Variants in MGMT observed in about 807,000 individuals in gnomAD.
MGMT encodes O-6-methylguanine-DNA methyltransferase.
Under a neutral mutation model 15.9 loss-of-function variants are expected in MGMT, and 14 were observed. The observed-to-expected ratio is 0.88, with a 90% CI of 0.58 to 1.37. The LOEUF (loss-of-function observed/expected upper bound fraction) is 1.37. Ranked by LOEUF, MGMT falls within the 40% of genes most tolerant of loss-of-function variation. MGMT has a pLI of 0.00. For synonymous variants in MGMT, 130 were observed against 118.2 expected, an observed-to-expected ratio of 1.10 and a Z score of -0.65; for missense variants, 282 against 268.1, an observed-to-expected ratio of 1.05 and a Z score of -0.36.
intron 3 of MGMT, among the ~76,000 whole-genome samples, chr10:129,752,153 C>G (rs1217514791): frequency 5.3e-5 from 8 of 151,952 alleles, no homozygotes; most frequent in Admixed American, 5.2e-4. Context: ...TGAATTTTTT[C>G]ATGAGTTTTG....
At chr10:129,573,590 TC>T (rs1374507604) in intron 2 of MGMT, among the ~76,000 whole-genome samples, 2 of 152,216 alleles carry the variant, frequency 1.3e-5, no homozygotes, top group African/African-American at 4.8e-5. Context: ...TATTTTCATC[TC>T]TATTTATTTA....
At chr10:129,761,146 C>T (rs906076106) in intron 4 of MGMT, among the ~76,000 whole-genome samples, 7 of 152,248 alleles carry the variant, frequency 4.6e-5, no homozygotes, top group Admixed American at 3.3e-4. Context: ...GTTGTGGCTC[C>T]GTGTAGGGCC....
intron 2 of MGMT, among the ~76,000 whole-genome samples, chr10:129,658,146 G>A (rs1847553704): frequency 6.6e-6 from 1 of 151,964 alleles, no homozygotes; most frequent in Non-Finnish European, 1.5e-5. Flanking sequence ...CCCCTTCTAT[G>A]AATCCCAAGT....
At chr10:129,646,747 TATATATA>T (rs1564747268) in intron 2 of MGMT, among the ~76,000 whole-genome samples, 1 of 111,222 alleles carries the variant, frequency 9.0e-6, no homozygotes, top group African/African-American at 3.3e-5. Flanking sequence ...TATATATATA[TATATATA>T]TTTTCAGGGA....
intron 2 of MGMT, among the ~76,000 whole-genome samples, chr10:129,675,943 C>T (rs1156240425): frequency 6.6e-6 from 1 of 152,166 alleles, no homozygotes. Context: ...GCAGGCGCTG[C>T]TCAGTTGTGG....
intron 2 of MGMT, among the ~76,000 whole-genome samples, chr10:129,574,918 A>G (rs1208356867): frequency 2.0e-5 from 3 of 152,182 alleles, no homozygotes; most frequent in Admixed American, 6.5e-5. Context: ...TAATCTATTA[A>G]GAGGCAGGCT....
chr10:129,674,079 G>A (rs918562171), intron 2 of MGMT, among the ~76,000 whole-genome samples: 1 of 152,150 alleles, frequency 6.6e-6, no homozygotes, highest in African/African-American at 2.4e-5. Flanking sequence ...TGATTCTACA[G>A]GAAGTTGTTG....
At chr10:129,516,007 T>C (rs2119709727) in intron 1 of MGMT, among the ~76,000 whole-genome samples, 1 of 152,352 alleles carries the variant, frequency 6.6e-6, no homozygotes, top group Non-Finnish European at 1.5e-5. Context: ...GAACTTGAAC[T>C]CTGTATGTGG....
intron 2 of MGMT, among the ~76,000 whole-genome samples, chr10:129,639,167 A>G (rs758637651): frequency 5.9e-5 from 9 of 152,188 alleles, no homozygotes; most frequent in African/African-American, 2.2e-4. Context: ...CAAAGATCTT[A>G]AAAAACCATG....
At chr10:129,536,644 A>T in intron 2 of MGMT, 1 of 337,844 alleles carries the variant, frequency 3.0e-6, no homozygotes, top group Non-Finnish European at 5.3e-6. Flanking sequence ...AAGATGTTTG[A>T]TTAAGGTGTA....
At chr10:129,627,694 T>C (rs1847166401) in intron 2 of MGMT, among the ~76,000 whole-genome samples, 1 of 152,236 alleles carries the variant, frequency 6.6e-6, no homozygotes, top group Non-Finnish European at 1.5e-5. Context: ...CCATGCTTCA[T>C]ATTTGGCTCT....
At chr10:129,568,756 C>G (rs1846383725) in intron 2 of MGMT, among the ~76,000 whole-genome samples, 1 of 152,100 alleles carries the variant, frequency 6.6e-6, no homozygotes, top group South Asian at 2.1e-4. Context: ...GGGAGCTGGC[C>G]CTGGTCCTGG....
chr10:129,631,747 C>A (rs1228231030), intron 2 of MGMT, among the ~76,000 whole-genome samples: 1 of 152,094 alleles, frequency 6.6e-6, no homozygotes, highest in Non-Finnish European at 1.5e-5. Flanking sequence ...TCTCTTGAGC[C>A]TGGGAGTTGG....
chr10:129,526,352 C>T (rs1279835304), intron 1 of MGMT, among the ~76,000 whole-genome samples: 5 of 152,126 alleles, frequency 3.3e-5, no homozygotes, highest in Non-Finnish European at 7.4e-5. Context: ...AGCTAGTTTT[C>T]ATCTTGTGAT....
At chr10:129,729,681 C>T (rs1407085257) in intron 3 of MGMT, among the ~76,000 whole-genome samples, 1 of 152,208 alleles carries the variant, frequency 6.6e-6, no homozygotes, top group African/African-American at 2.4e-5. Flanking sequence ...ACAGCTCTGT[C>T]AGTAATGATA....
chr10:129,557,712 A>G (rs1390901786), intron 2 of MGMT, among the ~76,000 whole-genome samples: 1 of 152,196 alleles, frequency 6.6e-6, no homozygotes, highest in African/African-American at 2.4e-5. Context: ...AATTTTTCCC[A>G]ATTATAATAA....
At chr10:129,507,343 G>T (rs960074804) in intron 1 of MGMT, among the ~76,000 whole-genome samples, 1 of 152,178 alleles carries the variant, frequency 6.6e-6, no homozygotes, top group African/African-American at 2.4e-5. Context: ...GGCAGGGGTG[G>T]CCTGGAGACA....
At chr10:129,696,040 A>G (rs548036084) in intron 2 of MGMT, among the ~76,000 whole-genome samples, 3 of 152,120 alleles carry the variant, frequency 2.0e-5, no homozygotes, top group Non-Finnish European at 4.4e-5. Context: ...GCCTACAGAC[A>G]GGGCCTGCTG....
At chr10:129,598,543 C>T (rs551891159) in intron 2 of MGMT, among the ~76,000 whole-genome samples, 6 of 152,178 alleles carry the variant, frequency 3.9e-5, no homozygotes, top group African/African-American at 7.2e-5. Flanking sequence ...AACTGTGCTC[C>T]GGAATAAACA....
Sources: allele counts gnomAD v4.1 joint callset (sites outside exome capture counted in the v4.1 genomes callset), GRCh38; gene constraint gnomAD v4.1.1; transcripts MANE v1.5; gene names NCBI Gene and HGNC (gene_info 2026-07-23, HGNC 2026-07-21).